SEPTIN11: variants seen among roughly 807,000 people sequenced by gnomAD.
SEPTIN11 encodes the protein septin 11, also known as septin-11.
In SEPTIN11, 25 loss-of-function variants were observed where a neutral mutation model predicts 51.4. The ratio of observed to expected loss-of-function variants is 0.49; its 90% CI spans 0.35 to 0.68. SEPTIN11 has a LOEUF of 0.68. SEPTIN11 is among the 30% of genes least tolerant of loss of function. The pLI, the probability that SEPTIN11 is intolerant of heterozygous loss-of-function variation, is 0.00. For missense variants in SEPTIN11, 381 were observed against 520.8 expected, an observed-to-expected ratio of 0.73 and a Z score of 2.61; for synonymous variants, 174 against 184.1, an observed-to-expected ratio of 0.95 and a Z score of 0.44.
At chr4:77,003,305 A>G (rs549941542) in intron 2 of SEPTIN11, among the ~76,000 whole-genome samples, 80 of 152,336 alleles carry the variant, frequency 5.3e-4, no homozygotes, top group African/African-American at 1.9e-3. Flanking sequence ...TAGCAGGGCC[A>G]TGGATGTAAA....
At chr4:77,016,850 T>C (rs1162108646) in intron 5 of SEPTIN11, among the ~76,000 whole-genome samples, 2 of 151,632 alleles carry the variant, frequency 1.3e-5, no homozygotes, top group African/African-American at 4.8e-5. Context: ...ATATAGTGTT[T>C]ACATTGTCTT....
At chr4:76,964,051 G>C (rs916835315) in intron 1 of SEPTIN11, among the ~76,000 whole-genome samples, 8 of 151,934 alleles carry the variant, frequency 5.3e-5, no homozygotes, top group African/African-American at 1.9e-4. Flanking sequence ...AGAACATGTG[G>C]TGTTTGGTTT....
At chr4:77,033,303 T>G (rs868649314) in intron 9 of SEPTIN11, among the ~76,000 whole-genome samples, 18 of 152,220 alleles carry the variant, frequency 1.2e-4, no homozygotes, top group Admixed American at 3.3e-4. Context: ...GGAACAGATG[T>G]GGGAGTTGCC....
intron 7 of SEPTIN11, among the ~76,000 whole-genome samples, chr4:77,026,103 G>A (rs1578202787): frequency 2.6e-5 from 4 of 152,210 alleles, no homozygotes; most frequent in Admixed American, 2.6e-4. Context: ...CCACAACTGA[G>A]TTGTGATTCA....
chr4:77,025,012 A>T (rs949045537), intron 7 of SEPTIN11, among the ~76,000 whole-genome samples: 8 of 152,176 alleles, frequency 5.3e-5, no homozygotes, highest in African/African-American at 1.9e-4. Flanking sequence ...GTGCTGTGTG[A>T]ATCACCAGAA....
Position 77,034,612 on chromosome 4 carries a change from T to A in SEPTIN11, c.*100T>A. The A allele has an allele frequency of 7.2e-7, 1 of 1,392,376 alleles. No individual in the cohort carries two copies. The highest frequency in any genetic ancestry group is 9.3e-7 in the Non-Finnish European group (1 of 1,072,342). The allele number at this position is 1,392,376 out of a possible 1,614,324, so 86.3% of individuals were successfully genotyped here. ...TTAGTTTTATTTTATTTTATTTTAT[T>A]TTTTTACCCTTCCTCAAACACCAGT... On this transcript the variant is annotated 3_prime_UTR_variant, in exon 10 of 10. Coordinates refer to ENST00000264893, the MANE Select transcript of SEPTIN11 (RefSeq NM_018243.4).
chr4:76,977,715 A>G (rs1722567432), intron 1 of SEPTIN11, among the ~76,000 whole-genome samples: 1 of 151,874 alleles, frequency 6.6e-6, no homozygotes, highest in Non-Finnish European at 1.5e-5. Flanking sequence ...CTCTTATCCC[A>G]AAAGGTTCGT....
intron 1 of SEPTIN11, among the ~76,000 whole-genome samples, chr4:76,965,464 AAAG>A (rs1219429917): frequency 3.3e-5 from 5 of 151,744 alleles, no homozygotes; most frequent in African/African-American, 1.2e-4. Context: ...AAAAAAAAAA[AAAG>A]GAGTCATTTA....
chr4:77,015,985 C>T (rs1463660546), intron 5 of SEPTIN11, among the ~76,000 whole-genome samples: 1 of 152,086 alleles, frequency 6.6e-6, no homozygotes, highest in Non-Finnish European at 1.5e-5. Context: ...GAGTTCCCAT[C>T]GCCAGTGGTT....
chr4:76,961,756 G>A lies in SEPTIN11; in HGVS notation c.27+11826G>A, dbSNP rs560013725. The stretch of plus-strand genomic sequence containing the variant: ...TTGAAGTGTGGTTTTTACTGAATGC[G>A]TATCACTTTTGTACCATTGGAAAGT... On this transcript the variant is annotated intron_variant, in intron 1 of 9. Coordinates refer to ENST00000264893, the MANE Select transcript of SEPTIN11 (RefSeq NM_018243.4). 1.3e-3 allele frequency among the ~76,000 whole-genome samples: 201 copies of A among 152,300 alleles called. 1 individual carries two copies. The highest frequency in any genetic ancestry group is 2.6e-3 in the Non-Finnish European group (175 of 68,008).
At chr4:77,008,486 G>A (rs1326520454) in intron 3 of SEPTIN11, among the ~76,000 whole-genome samples, 4 of 152,194 alleles carry the variant, frequency 2.6e-5, no homozygotes, top group African/African-American at 9.7e-5. Flanking sequence ...CAAGGGATAA[G>A]GAAAATTGGC....
chr4:76,996,497 A>G lies in SEPTIN11; in HGVS notation c.100A>G (p.Lys34Glu). ...FDSLPDQLVN[K>E]STSQGFCFNI... ...CAGCCTCCCTGACCAGCTGGTCAACAAGTCTACTTCTCAAGGATTCTGTTT... is the reference window on the plus strand; with the variant it reads ...CAGCCTCCCTGACCAGCTGGTCAACGAGTCTACTTCTCAAGGATTCTGTTT... Residue 34 changes from lysine to glutamate, a missense_variant, in exon 2 of 10, where the codon AAG (lysine) becomes GAG (glutamate). By Grantham distance (56) the Lys-to-Glu change is moderately conservative. Coordinates refer to ENST00000264893, the MANE Select transcript of SEPTIN11 (RefSeq NM_018243.4). The G allele has an allele frequency of 1.2e-6, 2 of 1,614,076 alleles. No homozygotes were observed. Among genetic ancestry groups the G allele is most frequent in the Admixed American group, 1.7e-5 (1 of 60,028 alleles).
chr4:76,971,979 G>A (rs1025815706), intron 1 of SEPTIN11, among the ~76,000 whole-genome samples: 5 of 152,084 alleles, frequency 3.3e-5, no homozygotes, highest in Admixed American at 6.6e-5. Context: ...AAAGATGGCC[G>A]GTGGATCCAC....
At chr4:77,017,605 G>A (rs757621469) in intron 5 of SEPTIN11, among the ~76,000 whole-genome samples, 2 of 152,174 alleles carry the variant, frequency 1.3e-5, no homozygotes, top group African/African-American at 2.4e-5. Flanking sequence ...TATCTTGAGC[G>A]TCCAACAAAA....
rs1578203090 is a variant in SEPTIN11, at chr4:77,026,423, G to C, written c.954-2206G>C. 3.9e-5 allele frequency among the ~76,000 whole-genome samples: 6 copies of C among 152,258 alleles called. No homozygotes were observed. The South Asian group carries it at 1.2e-3, about 32-fold the overall frequency. On this transcript the variant is annotated intron_variant, in intron 7 of 9. Transcript: ENST00000264893. ...GAAGCATTTAAAACTAGACCATTTTGCCTTACCAGACATCCTGAATCAGCC... is the reference window on the plus strand; with the variant it reads ...GAAGCATTTAAAACTAGACCATTTTCCCTTACCAGACATCCTGAATCAGCC...
At position 76,959,615 on chromosome 4, in the gene SEPTIN11, A is replaced by C. The variant is rs114850616; in HGVS notation, c.27+9685A>C. ...GTCAATTGCATTTTTATATTCTAGG[A>C]TCTAGATCCAGAGTGAATGGGGGAA... is the stretch of plus-strand genomic sequence containing the variant. On this transcript the variant is annotated intron_variant, in intron 1 of 9. Transcript: ENST00000264893. Among the ~76,000 whole-genome samples the C allele has an allele frequency of 8.3e-3, 1,271 of 152,220 alleles. 12 individuals carry two copies. Among genetic ancestry groups the C allele is most frequent in the African/African-American group, 0.029 (1,201 of 41,532 alleles).
chr4:76,994,900 C>CTTTTTTTTT (rs55728971), intron 1 of SEPTIN11, among the ~76,000 whole-genome samples: 1 of 54,856 alleles, frequency 1.8e-5, no homozygotes, highest in Non-Finnish European at 3.3e-5. Context: ...CTGTACAAAG[C>CTTTTTTTTT]TTTTTTTTTT....
intron 1 of SEPTIN11, among the ~76,000 whole-genome samples, chr4:76,985,572 G>T (rs1722983201): frequency 1.3e-5 from 2 of 152,224 alleles, no homozygotes; most frequent in South Asian, 4.1e-4. Flanking sequence ...AAAGGGGGCT[G>T]CAGGTCTAGG....
In SEPTIN11 at chr4:77,034,862, C is replaced by T. The variant is rs1726925661; in HGVS notation, c.*350C>T. 2 of 1,016,948 alleles carry T rather than the reference C, an allele frequency of 2.0e-6. No homozygotes were observed. The highest frequency in any genetic ancestry group is 4.6e-5 in the South Asian group (1 of 21,688). The allele number at this position is 1,016,948 out of a possible 1,614,324, so 63.0% of individuals were successfully genotyped here. A position where few individuals can be genotyped will look rare whatever the true frequency, so the allele number is the denominator to read the frequency against. The stretch of plus-strand genomic sequence containing the variant: ...GCTACCTGTACGTCTGACATGAAAA[C>T]TTCTCACCGCCTCAGCAGCTGAACT... On this transcript the variant is annotated 3_prime_UTR_variant, in exon 10 of 10. Transcript: ENST00000264893.
Sources: allele counts gnomAD v4.1 joint callset (sites outside exome capture counted in the v4.1 genomes callset), GRCh38; gene constraint gnomAD v4.1.1; transcripts MANE v1.5; gene names NCBI Gene and HGNC (gene_info 2026-07-23, HGNC 2026-07-21).